Variants in ZHX1 observed in about 807,000 individuals in gnomAD.
The protein encoded by ZHX1 is zinc fingers and homeoboxes protein 1.
In ZHX1, 20 loss-of-function variants were observed where a neutral mutation model predicts 61.8. The ratio of observed to expected loss-of-function variants is 0.32; its 90% CI spans 0.23 to 0.47. The LOEUF is 0.47. Ranked by LOEUF, ZHX1 falls within the 20% of genes least tolerant of loss-of-function variation. The pLI is 1.00. For missense variants in ZHX1, 800 were observed against 1,034.8 expected, an observed-to-expected ratio of 0.77 and a Z score of 3.11; for synonymous variants, 318 against 352.6, an observed-to-expected ratio of 0.90 and a Z score of 1.10.
At chr8:123,253,055 G>T in intron 3 of ZHX1, 1 of 326,300 alleles carries the variant, frequency 3.1e-6, no homozygotes, top group Non-Finnish European at 5.5e-6. Context: ...CATAGAGATT[G>T]GGTAACTTTC....
intron 2 of ZHX1, among the ~76,000 whole-genome samples, chr8:123,259,692 C>T (rs183155706): frequency 3.5e-3 from 528 of 152,268 alleles, no homozygotes; most frequent in Middle Eastern, 6.8e-3. Context: ...TGTTACTTTC[C>T]TGGAATCTGA....
At chr8:123,269,365 A>C (rs1017746837) in intron 1 of ZHX1, among the ~76,000 whole-genome samples, 1 of 152,220 alleles carries the variant, frequency 6.6e-6, no homozygotes, top group Admixed American at 6.5e-5. Flanking sequence ...GTGCTTTTGA[A>C]TGAAAATCCT....
intron 2 of ZHX1, chr8:123,263,084 A>G (rs1351315781): frequency 6.7e-6 from 1 of 149,564 alleles, no homozygotes; most frequent in Non-Finnish European, 1.5e-5. Flanking sequence ...AGGAAATATC[A>G]AAGTAAAAAA....
At chr8:123,275,002 C>G (rs1255587320), upstream of ZHX1, among the ~76,000 whole-genome samples, 2 of 152,152 alleles carry the variant, frequency 1.3e-5, no homozygotes, top group Non-Finnish European at 2.9e-5. Context: ...CTCCTCGCTT[C>G]GGACCCCGCT....
chr8:123,268,145 T>C (rs569301987), intron 1 of ZHX1, among the ~76,000 whole-genome samples: 2 of 152,284 alleles, frequency 1.3e-5, no homozygotes, highest in South Asian at 4.1e-4. Flanking sequence ...TTAATCAGAA[T>C]GGAGAGGATT....
At chr8:123,257,710 T>C (rs1826115427) in intron 2 of ZHX1, among the ~76,000 whole-genome samples, 1 of 152,206 alleles carries the variant, frequency 6.6e-6, no homozygotes, top group Non-Finnish European at 1.5e-5. Context: ...GTTGTGCTCC[T>C]ATGAGAATCT....
At chr8:123,253,108 A>G (rs1392778058) in intron 3 of ZHX1, 2 of 416,934 alleles carry the variant, frequency 4.8e-6, no homozygotes, top group African/African-American at 4.1e-5. Flanking sequence ...ATGAAAAATA[A>G]TAATTAAGAC....
At chr8:123,258,277 C>T (rs907518147) in intron 2 of ZHX1, among the ~76,000 whole-genome samples, 1 of 152,206 alleles carries the variant, frequency 6.6e-6, no homozygotes, top group Non-Finnish European at 1.5e-5. Flanking sequence ...GTGATCTCTG[C>T]CCACATGCAT....
In ZHX1 at chr8:123,254,809, C is replaced by T; in HGVS notation, c.1138G>A (p.Gly380Ser). 1 of 1,614,192 alleles carries T rather than the reference C, an allele frequency of 6.2e-7. No homozygotes were observed. Residue 380 changes from glycine to serine, a missense_variant, in exon 3 of 4, where the codon GGT (glycine) becomes AGT (serine). By Grantham distance (56) the Gly-to-Ser change is moderately conservative. Coordinates refer to ENST00000395571, the MANE Select transcript of ZHX1 (RefSeq NM_007222.5). This position sits in a 1 kb window ranked among gnomAD's most constrained non-coding sequence, Gnocchi z 4.1. ...IPTHISTGSNGLPSILQTCQI... is the reference protein window; with the variant it reads ...IPTHISTGSNSLPSILQTCQI... Reference sequence around the variant, plus strand: ...CATGTCTGTAAAATAGATGGTAAACCATTACTCCCTGTGGAAATGTGTGTA... The same window carrying T: ...CATGTCTGTAAAATAGATGGTAAACTATTACTCCCTGTGGAAATGTGTGTA...
chr8:123,250,309 C>T lies in ZHX1; in HGVS notation c.*15G>A, dbSNP rs923434297. Reference sequence around the variant, plus strand: ...AGTTGAAGAATTGATTCTCCTTCAACGTTTTAGGCAGCTAAAAAAGAAAAA... The same window carrying T: ...AGTTGAAGAATTGATTCTCCTTCAATGTTTTAGGCAGCTAAAAAAGAAAAA... On this transcript the variant is annotated 3_prime_UTR_variant, in exon 4 of 4. Transcript: ENST00000395571. 35 of 393,872 alleles carry T rather than the reference C, an allele frequency of 8.9e-5. No homozygotes were observed. Among genetic ancestry groups the T allele is most frequent in the Non-Finnish European group, 7.6e-5 (15 of 198,068 alleles). The allele number at this position is 393,872 out of a possible 1,614,324, so 24.4% of individuals were successfully genotyped here. A position where few individuals can be genotyped will look rare whatever the true frequency, so the allele number is the denominator to read the frequency against.
At chr8:123,267,812 A>T (rs1176732441) in intron 1 of ZHX1, among the ~76,000 whole-genome samples, 1 of 152,094 alleles carries the variant, frequency 6.6e-6, no homozygotes, top group Non-Finnish European at 1.5e-5. Context: ...GACCAGTCTG[A>T]CCAACAAGGA....
chr8:123,271,877 G>T (rs1431327898), intron 1 of ZHX1, among the ~76,000 whole-genome samples: 1 of 152,158 alleles, frequency 6.6e-6, no homozygotes. Context: ...AATAAGCTTA[G>T]CTATAAAGGA....
chr8:123,267,152 A>G lies in ZHX1; in HGVS notation c.-226+121T>C, dbSNP rs558915965. On this transcript the variant is annotated intron_variant, in intron 2 of 3. Coordinates refer to ENST00000395571, the MANE Select transcript of ZHX1 (RefSeq NM_007222.5). ...AGTATATTAAAAAAAAGTGTTAAGC[A>G]TATGTCTGCTGCTTTTTAAGGAAAG... 1.3e-4 allele frequency: 102 copies of G among 805,954 alleles called. No individual in the cohort carries two copies. In the African/African-American group the frequency reaches 1.5e-3, roughly 12 times the overall value. 49.9% of individuals were successfully genotyped at this position (805,954 alleles called of 1,614,324 possible).
chr8:123,254,959 T>C lies in ZHX1; in HGVS notation c.988A>G (p.Ile330Val). 1 of 1,614,216 alleles carries C rather than the reference T, an allele frequency of 6.2e-7. No homozygotes were observed. Among genetic ancestry groups the C allele is most frequent in the Non-Finnish European group, 8.5e-7 (1 of 1,180,032 alleles). ...TTTAAACGTTGGGCTGAAAACCATA[T>C]CTTGATCTGTTCCTCTGTATATTTT... ...QAKYTEEQIKIWFSAQRLKHG... is the reference protein window; with the variant it reads ...QAKYTEEQIKVWFSAQRLKHG... The change falls in exon 3 of 4, where the codon ATA becomes GTA. Residue 330 changes from isoleucine (I) to valine (V), a missense_variant. Coordinates refer to ENST00000395571, the MANE Select transcript of ZHX1 (RefSeq NM_007222.5). The surrounding 1 kb of genome is among the most constrained non-coding windows in gnomAD (Gnocchi z 4.1).
intron 2 of ZHX1, among the ~76,000 whole-genome samples, chr8:123,266,182 A>T (rs969960208): frequency 1.3e-5 from 2 of 152,198 alleles, no homozygotes; most frequent in African/African-American, 4.8e-5. Context: ...TGTGAATGTG[A>T]TCGAAAAGTC....
intron 2 of ZHX1, among the ~76,000 whole-genome samples, chr8:123,265,047 G>A (rs963143533): frequency 3.3e-5 from 5 of 151,108 alleles, no homozygotes; most frequent in East Asian, 2.0e-4. Context: ...AAATTAGCCC[G>A]GCGTCGTGGC....
intron 3 of ZHX1, chr8:123,253,057 G>GT (rs1181672941): frequency 6.1e-6 from 2 of 329,898 alleles, no homozygotes; most frequent in Non-Finnish European, 1.1e-5. Flanking sequence ...TAGAGATTGG[G>GT]TAACTTTCCT....
Position 123,253,816 on chromosome 8 carries a change from T to C in ZHX1, c.2131A>G (p.Thr711Ala). The change falls in exon 3 of 4, where the codon ACC becomes GCC. Residue 711 changes from threonine to alanine, a missense_variant. Transcript: ENST00000395571. ...TTTCCATTCTTCCAAGCATAACGGG[T>C]GTCCCCAAACCAACTAACTATGTCT... ...RTDIVSWFGD[T>A]RYAWKNGNLK... 6.2e-7 allele frequency: 1 copy of C among 1,614,140 alleles called. No individual in the cohort carries two copies. The highest frequency in any genetic ancestry group is 8.5e-7 in the Non-Finnish European group (1 of 1,180,018).
chr8:123,270,394 A>G (rs1826606748), intron 1 of ZHX1, among the ~76,000 whole-genome samples: 2 of 152,190 alleles, frequency 1.3e-5, no homozygotes, highest in African/African-American at 4.8e-5. Context: ...TGATATGGCT[A>G]TGACTTCGAT....
Sources: allele counts gnomAD v4.1 joint callset (sites outside exome capture counted in the v4.1 genomes callset), GRCh38; gene constraint gnomAD v4.1.1; non-coding constraint Gnocchi (gnomAD v3.1); transcripts MANE v1.5; gene names NCBI Gene and HGNC (gene_info 2026-07-23, HGNC 2026-07-21).